The following GUCY1A2 variants were observed in gnomAD, a reference collection of about 807,000 sequenced individuals.
GUCY1A2 encodes guanylate cyclase soluble subunit alpha-2.
A neutral mutation model predicts 63.5 loss-of-function variants in GUCY1A2; 27 were observed. That is an observed-to-expected ratio of 0.43 (90% CI 0.31 to 0.59). The LOEUF (loss-of-function observed/expected upper bound fraction) is 0.59. Among genes scored for constraint, GUCY1A2 ranks in the 20% least tolerant of loss-of-function variants. GUCY1A2 has a pLI of 0.11. For synonymous variants in GUCY1A2, 364 were observed against 343.5 expected, an observed-to-expected ratio of 1.06 and a Z score of -0.66; for missense variants, 768 against 913.3, an observed-to-expected ratio of 0.84 and a Z score of 2.05.
intron 5 of GUCY1A2, among the ~76,000 whole-genome samples, chr11:106,797,144 C>G (rs1031049897): frequency 3.3e-5 from 5 of 152,088 alleles, no homozygotes; most frequent in African/African-American, 9.7e-5. Flanking sequence ...TTAAGGACTT[C>G]TCTACAATGG....
chr11:106,904,291 G>T (rs540939048), intron 4 of GUCY1A2, among the ~76,000 whole-genome samples: 2 of 152,080 alleles, frequency 1.3e-5, no homozygotes, highest in Non-Finnish European at 2.9e-5. Flanking sequence ...GTAACATACT[G>T]AAAGTGTTTA....
intron 6 of GUCY1A2, among the ~76,000 whole-genome samples, chr11:106,709,325 A>T (rs1220076792): frequency 3.7e-5 from 2 of 54,010 alleles, no homozygotes; most frequent in Admixed American, 3.0e-4. Context: ...ATTTATATAT[A>T]TTATATAAAT....
At chr11:106,744,700 C>T (rs1023087820) in intron 6 of GUCY1A2, among the ~76,000 whole-genome samples, 8 of 152,116 alleles carry the variant, frequency 5.3e-5, no homozygotes, top group South Asian at 2.1e-4. Context: ...AGCTTGCTAG[C>T]GCTTCCCCAA....
At chr11:106,992,420 C>G (rs1437684904) in intron 1 of GUCY1A2, among the ~76,000 whole-genome samples, 1 of 151,190 alleles carries the variant, frequency 6.6e-6, no homozygotes, top group East Asian at 2.0e-4. Context: ...ACCTCCACCT[C>G]CCGGGTTCAA....
At chr11:106,890,024 T>C (rs922162475) in intron 4 of GUCY1A2, among the ~76,000 whole-genome samples, 2 of 152,162 alleles carry the variant, frequency 1.3e-5, no homozygotes, top group Non-Finnish European at 2.9e-5. Context: ...CATCTCTGTA[T>C]AGTGTATTTG....
Position 106,776,326 on chromosome 11 carries a change from AC to A in GUCY1A2, c.1836+112del. 5.1e-6 allele frequency: 4 copies of A among 778,316 alleles called. No individual in the cohort carries two copies. The East Asian group carries it at 1.1e-4, about 21-fold the overall frequency. 48.2% of individuals were successfully genotyped at this position (778,316 alleles called of 1,614,324 possible). A position where few individuals can be genotyped will look rare whatever the true frequency, so the allele number is the denominator to read the frequency against. ...TAGTCACTCCTTGTCCTCCTTAAGC[AC>A]CCAACTTGTCTAGATCTATAAATTA... On this transcript the variant is annotated intron_variant, in intron 6 of 7. Transcript: ENST00000526355.
intron 4 of GUCY1A2, among the ~76,000 whole-genome samples, chr11:106,841,159 T>A (rs61551259): frequency 0.071 from 10,752 of 151,822 alleles, 391 homozygotes; most frequent in East Asian, 0.12. Context: ...CATGATCTTC[T>A]CTGCCCTTCT....
In GUCY1A2 at chr11:106,681,052, T is replaced by A. The variant is rs1444922102; in HGVS notation, c.*6497A>T. The A allele has an allele frequency of 4.8e-6, 1 of 207,680 alleles. No homozygotes were observed. The highest frequency in any genetic ancestry group is 9.8e-6 in the Non-Finnish European group (1 of 101,952). The allele number at this position is 207,680 out of a possible 1,614,324, so 12.9% of individuals were successfully genotyped here. A position where few individuals can be genotyped will look rare whatever the true frequency, so the allele number is the denominator to read the frequency against. ...CTGATTATCATTGACTATGCCACATTCTATTAAAATTGTATTTTAAGTAGA... is the reference window on the plus strand; with the variant it reads ...CTGATTATCATTGACTATGCCACATACTATTAAAATTGTATTTTAAGTAGA... On this transcript the variant is annotated 3_prime_UTR_variant, in exon 8 of 8. Transcript: ENST00000526355.
chr11:106,940,131 T>C lies in GUCY1A2; in HGVS notation c.535A>G (p.Asn179Asp). 1.9e-6 allele frequency: 3 copies of C among 1,607,302 alleles called. No individual in the cohort carries two copies. The highest frequency in any genetic ancestry group is 2.6e-6 in the Non-Finnish European group (3 of 1,175,848). Residue 179 changes from asparagine (N) to aspartate (D), a missense_variant, in exon 4 of 8, where the codon AAT (asparagine) becomes GAT (aspartate). Asn to Asp is a conservative substitution (Grantham distance 23). This residue lies in a region of GUCY1A2 where 496 missense variants were observed against 486.9 expected (regional missense o/e 1.02). Coordinates refer to ENST00000526355, the MANE Select transcript of GUCY1A2 (RefSeq NM_000855.3). ...CTCTCATTCTCATGAAAGCATATAT[T>C]AAAGAACTCTTCACCAAATCTTTTT... ...IQKRFGEEFF[N>D]ICFHENERVL...
At chr11:106,911,642 A>G (rs1403517211) in intron 4 of GUCY1A2, among the ~76,000 whole-genome samples, 3 of 152,214 alleles carry the variant, frequency 2.0e-5, no homozygotes, top group African/African-American at 4.8e-5. Flanking sequence ...AAATGATACT[A>G]AGTTGTATGC....
intron 4 of GUCY1A2, among the ~76,000 whole-genome samples, chr11:106,908,849 G>A (rs997868480): frequency 6.6e-6 from 1 of 151,982 alleles, no homozygotes; most frequent in Admixed American, 6.6e-5. Flanking sequence ...AAAATAGGCT[G>A]GGGTCTGAGC....
At chr11:106,714,848 T>G (rs1181591441) in intron 6 of GUCY1A2, among the ~76,000 whole-genome samples, 1 of 152,240 alleles carries the variant, frequency 6.6e-6, no homozygotes, top group South Asian at 2.1e-4. Flanking sequence ...ATATCAACAG[T>G]GCCAAGACTG....
At chr11:106,727,887 CA>C (rs1439975655) in intron 6 of GUCY1A2, among the ~76,000 whole-genome samples, 7 of 152,056 alleles carry the variant, frequency 4.6e-5, no homozygotes, top group African/African-American at 1.7e-4. Flanking sequence ...TTCAAATTTC[CA>C]ATACACAGCT....
intron 4 of GUCY1A2, among the ~76,000 whole-genome samples, chr11:106,880,542 C>G (rs2135471074): frequency 6.6e-6 from 1 of 152,152 alleles, no homozygotes; most frequent in Non-Finnish European, 1.5e-5. Context: ...TTGAAATCAA[C>G]AGGGGTTTGG....
At chr11:106,832,433 T>G (rs915711935) in intron 4 of GUCY1A2, among the ~76,000 whole-genome samples, 1 of 152,130 alleles carries the variant, frequency 6.6e-6, no homozygotes, top group African/African-American at 2.4e-5. Flanking sequence ...TGACTTAATT[T>G]TATAGTAACC....
At chr11:106,832,686 G>A (rs1183266037) in intron 4 of GUCY1A2, among the ~76,000 whole-genome samples, 3 of 152,054 alleles carry the variant, frequency 2.0e-5, no homozygotes, top group Non-Finnish European at 4.4e-5. Context: ...GCCCTGCCAT[G>A]CAATGTTTGC....
chr11:106,826,427 C>G, intron 4 of GUCY1A2: 4 of 1,563,798 alleles, frequency 2.6e-6, no homozygotes, highest in Non-Finnish European at 3.5e-6. Flanking sequence ...ATATTTGGAT[C>G]TAGCAGATCT....
chr11:106,724,468 G>C (rs765346403), intron 6 of GUCY1A2, among the ~76,000 whole-genome samples: 1 of 152,066 alleles, frequency 6.6e-6, no homozygotes. Context: ...CACTCTCTCT[G>C]GTCACCTGCC....
intron 5 of GUCY1A2, among the ~76,000 whole-genome samples, chr11:106,785,006 T>C (rs1864531918): frequency 6.6e-6 from 1 of 152,216 alleles, no homozygotes; most frequent in Non-Finnish European, 1.5e-5. Flanking sequence ...GAGAAGAATC[T>C]GTGTACATAG....
Sources: gnomAD v4.1 joint callset for allele counts (sites outside exome capture counted in the v4.1 genomes callset) on GRCh38, gnomAD v4.1.1 for gene constraint, gnomAD v4.1.1 regional missense constraint, MANE v1.5 for transcripts, NCBI Gene and HGNC (gene_info 2026-07-23, HGNC 2026-07-21) for gene names.